Variants in ANKRD11 observed in about 807,000 individuals in gnomAD.
ANKRD11 encodes the protein ankyrin repeat domain-containing protein 11.
ANKRD11 carries 17 observed loss-of-function variants against 195.7 expected under a neutral mutation model. That is an observed-to-expected ratio of 0.09 (90% confidence interval 0.06 to 0.13). The LOEUF (loss-of-function observed/expected upper bound fraction) is 0.13, where lower values mean the gene tolerates loss of function less well. ANKRD11 is among the 10% of genes least tolerant of loss of function. The pLI is 1.00. For synonymous variants in ANKRD11, 1,953 were observed against 1,528.1 expected (o/e 1.28, Z -6.49); for missense variants, 3,735 against 3,566.1 (o/e 1.05, Z -1.21).
chr16:89,276,552 G>A (rs2033669158), intron 9 of ANKRD11, among the ~76,000 whole-genome samples: 1 of 152,152 alleles, frequency 6.6e-6, no homozygotes, highest in East Asian at 1.9e-4. Flanking sequence ...GCCAGGCCTG[G>A]GGCCTCTGAC....
In ANKRD11 at chr16:89,281,422, G is replaced by A. The variant is rs776489753; in HGVS notation, c.5120C>T (p.Thr1707Met). The change falls in exon 9 of 13, where the codon ACG becomes ATG. Residue 1707 changes from threonine to methionine, a missense_variant. Transcript: ENST00000301030. This position sits in a 1 kb window ranked among gnomAD's most constrained non-coding sequence, Gnocchi z 5.5. ...QSRPTGVPTPTSVLSCPSYEE... is the reference protein window; with the variant it reads ...QSRPTGVPTPMSVLSCPSYEE... ...GTAGCTGGGGCAGGATAGCACCGAC[G>A]TAGGGGTGGGCACGCCAGTGGGCCG... 3.7e-6 allele frequency: 6 copies of A among 1,612,392 alleles called. No individual in the cohort carries two copies. The highest frequency in any genetic ancestry group is 2.2e-5 in the South Asian group (2 of 91,032).
At chr16:89,395,136 C>A (rs1249576866) in intron 2 of ANKRD11, among the ~76,000 whole-genome samples, 1 of 152,226 alleles carries the variant, frequency 6.6e-6, no homozygotes. Flanking sequence ...CAAGAACAGG[C>A]AACACCACCA....
At chr16:89,274,992 C>T (rs375761059) in intron 10 of ANKRD11, 35 bp from the exon 11 acceptor site, 2 of 1,612,520 alleles carry the variant, frequency 1.2e-6, no homozygotes, top group African/African-American at 2.7e-5. Context: ...AGCTGGGACA[C>T]AGCCACGCTC....
intron 1 of ANKRD11, among the ~76,000 whole-genome samples, chr16:89,433,613 AG>A (rs1315503234): frequency 1.3e-5 from 2 of 152,020 alleles, no homozygotes; most frequent in Non-Finnish European, 2.9e-5. Context: ...GTAAGAGAGA[AG>A]GAACGGGCTT....
At chr16:89,433,048 T>C (rs2043065730) in intron 1 of ANKRD11, among the ~76,000 whole-genome samples, 1 of 151,566 alleles carries the variant, frequency 6.6e-6, no homozygotes, top group African/African-American at 2.4e-5. Flanking sequence ...CCACATTATA[T>C]ACAAGCATTG....
intron 1 of ANKRD11, among the ~76,000 whole-genome samples, chr16:89,442,740 C>CAA (rs762040743): frequency 3.3e-5 from 5 of 152,180 alleles, no homozygotes; most frequent in South Asian, 2.1e-4. Flanking sequence ...ACACGCACAG[C>CAA]AAGGTTCTGC....
intron 2 of ANKRD11, chr16:89,324,560 C>G (rs962320225): frequency 1.1e-5 from 5 of 455,188 alleles, no homozygotes; most frequent in Non-Finnish European, 2.2e-5. Flanking sequence ...GAGAGGCCGA[C>G]GAACCCTCCA....
chr16:89,318,816 G>T (rs192849744), intron 2 of ANKRD11, among the ~76,000 whole-genome samples: 1 of 152,228 alleles, frequency 6.6e-6, no homozygotes, highest in Non-Finnish European at 1.5e-5. Flanking sequence ...TCGGGTCAAC[G>T]TATTCACTGC....
intron 2 of ANKRD11, among the ~76,000 whole-genome samples, chr16:89,371,052 G>A (rs1267442886): frequency 1.3e-5 from 2 of 152,162 alleles, no homozygotes; most frequent in African/African-American, 2.4e-5. Context: ...GTCTCATGAC[G>A]AAGGGGACTT....
chr16:89,361,127 C>G (rs773627580), intron 2 of ANKRD11, among the ~76,000 whole-genome samples: 4 of 152,322 alleles, frequency 2.6e-5, no homozygotes, highest in Non-Finnish European at 5.9e-5. Flanking sequence ...ATTACAGACA[C>G]CCTGGCTAGG....
Position 89,281,407 on chromosome 16 carries a change from C to T in ANKRD11, c.5135G>A (p.Cys1712Tyr), listed in dbSNP as rs2034231272. The T allele has an allele frequency of 2.5e-6, 4 of 1,609,386 alleles. No homozygotes were observed. The highest frequency in any genetic ancestry group is 3.4e-6 in the Non-Finnish European group (4 of 1,176,692). Residue 1712 changes from cysteine (C) to tyrosine (Y), a missense_variant, in exon 9 of 13, where the codon TGC (cysteine) becomes TAC (tyrosine). Physicochemically the swap from Cys to Tyr is radical, Grantham distance 194 (BLOSUM62 -2). Transcript: ENST00000301030. This position sits in a 1 kb window ranked among gnomAD's most constrained non-coding sequence, Gnocchi z 5.5. ...GVPTPTSVLS[C>Y]PSYEEVMHTP... ...GTGCATCACCTCCTCGTAGCTGGGGCAGGATAGCACCGACGTAGGGGTGGG... is the reference window on the plus strand; with the variant it reads ...GTGCATCACCTCCTCGTAGCTGGGGTAGGATAGCACCGACGTAGGGGTGGG...
chr16:89,290,839 A>G lies in ANKRD11; in HGVS notation c.398-11T>C. The G allele has an allele frequency of 6.2e-7, 1 of 1,613,128 alleles. No homozygotes were observed. The highest frequency in any genetic ancestry group is 1.7e-5 in the Admixed American group (1 of 60,020). ...TTGGTGTTGTGTCCACTGCAGGCCA[A>G]GGAGGGGACAGATGGGCATTACTGT... On this transcript the variant is annotated splice_polypyrimidine_tract_variant and intron_variant, in intron 5 of 12. Coordinates refer to ENST00000301030, the MANE Select transcript of ANKRD11 (RefSeq NM_013275.6).
intron 6 of ANKRD11, among the ~76,000 whole-genome samples, chr16:89,290,187 A>C (rs1372159563): frequency 6.6e-6 from 1 of 152,236 alleles, no homozygotes; most frequent in Non-Finnish European, 1.5e-5. Flanking sequence ...ACGAGGCCAC[A>C]GCCCATCCAA....
chr16:89,350,938 G>T (rs1303350281), intron 2 of ANKRD11, among the ~76,000 whole-genome samples: 1 of 152,176 alleles, frequency 6.6e-6, no homozygotes, highest in Non-Finnish European at 1.5e-5. Context: ...TCAGCAACAG[G>T]CTCTACCATG....
chr16:89,274,625 G>C (rs1169384694), intron 11 of ANKRD11, 189 bp downstream of exon 11: 3 of 839,958 alleles, frequency 3.6e-6, no homozygotes, highest in African/African-American at 1.7e-5. Flanking sequence ...TCTGCTGTCT[G>C]CTGCAGCCTT....
At chr16:89,482,476 G>C (rs777742320) in intron 1 of ANKRD11, among the ~76,000 whole-genome samples, 10 of 152,182 alleles carry the variant, frequency 6.6e-5, no homozygotes, top group Non-Finnish European at 1.3e-4. Context: ...AGGACAGCAA[G>C]GGAACATTAC....
rs1188726211 is a variant in ANKRD11 at position 89,283,679 on chromosome 16, G to A, written c.2863C>T (p.Leu955=). The A allele has an allele frequency of 4.3e-6, 7 of 1,612,712 alleles. No homozygotes were observed. In the Admixed American group the frequency reaches 1.2e-4, roughly 27 times the overall value. ...TCCCTGCGCTCCTTGCAGCTCTCCA[G>A]GGCGTCCTTTCTGTCCCGCCCGGCC... is the stretch of plus-strand genomic sequence containing the variant. ...AEAGRDRKDA[L]ESCKERRDGR... Residue 955 remains leucine (L), a synonymous_variant, in exon 9 of 13, where the codon CTG becomes TTG. Transcript: ENST00000301030. The surrounding 1 kb of genome is among the most constrained non-coding windows in gnomAD (Gnocchi z 4.3).
chr16:89,479,919 G>A (rs1250929685), intron 1 of ANKRD11, among the ~76,000 whole-genome samples: 4 of 149,902 alleles, frequency 2.7e-5, no homozygotes, highest in Non-Finnish European at 5.9e-5. Context: ...CTCCAGCCTG[G>A]GTGACAGAGC....
At chr16:89,271,958 C>A (rs548850489) in intron 11 of ANKRD11, 5 of 152,064 alleles carry the variant, frequency 3.3e-5, no homozygotes, top group Admixed American at 6.6e-5. Context: ...TGAAAAGACA[C>A]GCACAGAATG....
Sources: gnomAD v4.1 joint callset for allele counts (sites outside exome capture counted in the v4.1 genomes callset) on GRCh38, gnomAD v4.1.1 for gene constraint, Gnocchi (gnomAD v3.1) non-coding constraint, MANE v1.5 for transcripts, NCBI Gene and HGNC (gene_info 2026-07-23, HGNC 2026-07-21) for gene names.